Variants in WNK1 observed in about 807,000 individuals in gnomAD.
The protein encoded by WNK1 is serine/threonine-protein kinase WNK1.
Under a neutral mutation model 222.8 loss-of-function variants are expected in WNK1, and 38 were observed. The observed-to-expected ratio is 0.17, with a 90% confidence interval of 0.13 to 0.22. The LOEUF is 0.22. Among genes scored for constraint, WNK1 ranks in the 10% least tolerant of loss-of-function variants. The pLI is 1.00. For synonymous variants in WNK1, 1,090 were observed against 1,092.9 expected, an observed-to-expected ratio of 1.00 and a Z score of 0.05; for missense variants, 2,348 against 2,918.4, an observed-to-expected ratio of 0.80 and a Z score of 4.50.
intron 2 of WNK1, among the ~76,000 whole-genome samples, chr12:817,071 A>G (rs949375627): frequency 1.3e-5 from 2 of 152,238 alleles, no homozygotes; most frequent in African/African-American, 4.8e-5. Flanking sequence ...ACGGTTAAAC[A>G]GCAGACTGAA....
chr12:880,217 C>T (rs1029761970), intron 11 of WNK1, among the ~76,000 whole-genome samples, 186 bp downstream of exon 11: 2 of 152,162 alleles, frequency 1.3e-5, no homozygotes, highest in Non-Finnish European at 2.9e-5. Flanking sequence ...CCATTTTTCT[C>T]AAGACACTTC....
chr12:872,077 G>A (rs1952202549), intron 9 of WNK1, among the ~76,000 whole-genome samples: 1 of 152,078 alleles, frequency 6.6e-6, no homozygotes, highest in Non-Finnish European at 1.5e-5. Context: ...ACGCTAAGAA[G>A]CATCTAATGA....
At chr12:842,444 T>A (rs1949697419) in intron 4 of WNK1, among the ~76,000 whole-genome samples, 1 of 152,208 alleles carries the variant, frequency 6.6e-6, no homozygotes, top group Non-Finnish European at 1.5e-5. Flanking sequence ...TCTGAACAAC[T>A]AGTTTAACTC....
At chr12:844,009 T>C (rs1388422493) in intron 4 of WNK1, among the ~76,000 whole-genome samples, 2 of 152,202 alleles carry the variant, frequency 1.3e-5, no homozygotes, top group Non-Finnish European at 2.9e-5. Flanking sequence ...GTCATTCATG[T>C]AAACTTTTAA....
rs118149075 is a variant in WNK1, at chr12:796,537, A to G, written c.760-17105A>G. ...GTGATCCACCCACCTTGGCCTCCCA[A>G]AGTGCTGGGATTACAGGCATGAGCC... is the stretch of plus-strand genomic sequence containing the variant. On this transcript the variant is annotated intron_variant, in intron 1 of 27. Transcript: ENST00000315939. Among the ~76,000 whole-genome samples the G allele has an allele frequency of 5.6e-3, 857 of 152,348 alleles. 1 individual carries two copies. Among genetic ancestry groups the G allele is most frequent in the Non-Finnish European group, 8.7e-3 (591 of 68,022 alleles).
intron 24 of WNK1, among the ~76,000 whole-genome samples, 192 bp downstream of exon 24, chr12:896,924 ACACACACACACACAC>A (rs1379143346): frequency 1.3e-4 from 10 of 78,666 alleles, no homozygotes; most frequent in African/African-American, 3.9e-4. Context: ...ACACACACAC[ACACACACACACACAC>A]GATTCCCAAC....
intron 22 of WNK1, among the ~76,000 whole-genome samples, chr12:893,232 G>A (rs1025222607): frequency 2.0e-5 from 3 of 152,124 alleles, no homozygotes; most frequent in East Asian, 1.9e-4. Flanking sequence ...ACTCCAGCCT[G>A]GGTGACAGAG....
At position 908,861 on chromosome 12, in the gene WNK1, G is replaced by GGGGGGCCCCC; in HGVS notation, c.*69_*70insGGGGGCCCCC. On this transcript the variant is annotated 3_prime_UTR_variant, in exon 28 of 28. Coordinates refer to ENST00000315939, the MANE Select transcript of WNK1 (RefSeq NM_018979.4). ...ATGCTGAGGGGGTGGGTGGGGGTGGGAAGTAGCCTATATACTAACTACTAG... is the reference window on the plus strand; with the variant it reads ...ATGCTGAGGGGGTGGGTGGGGGTGGGGGGGGCCCCCAAGTAGCCTATATACTAACTACTAG... 2.0e-6 allele frequency: 1 copy of GGGGGGCCCCC among 491,846 alleles called. No individual in the cohort carries two copies. The highest frequency in any genetic ancestry group is 6.0e-5 in the East Asian group (1 of 16,748). 30.5% of individuals were successfully genotyped at this position (491,846 alleles called of 1,614,324 possible). A position where few individuals can be genotyped will look rare whatever the true frequency, so the allele number is the denominator to read the frequency against.
At chr12:823,114 T>G (rs1948040270) in intron 2 of WNK1, among the ~76,000 whole-genome samples, 1 of 152,218 alleles carries the variant, frequency 6.6e-6, no homozygotes, top group Non-Finnish European at 1.5e-5. Flanking sequence ...TCCCACTGCT[T>G]TCTGCCCTCT....
intron 24 of WNK1, among the ~76,000 whole-genome samples, 181 bp from the exon 25 acceptor site, chr12:897,298 C>T (rs1442356771): frequency 2.0e-5 from 3 of 152,078 alleles, no homozygotes; most frequent in Non-Finnish European, 4.4e-5. Context: ...TGGAACATGG[C>T]TTGGGTAATG....
rs573177685 is a variant in WNK1 at position 772,926 on chromosome 12, A to G, written c.759+18602A>G. 3.3e-5 allele frequency among the ~76,000 whole-genome samples: 5 copies of G among 152,340 alleles called. 1 individual carries two copies. In the South Asian group the frequency reaches 1.0e-3, roughly 32 times the overall value. On this transcript the variant is annotated intron_variant, in intron 1 of 27. Coordinates refer to ENST00000315939, the MANE Select transcript of WNK1 (RefSeq NM_018979.4). ...GGTACTGTGTGGTTCAGAAATTTGT[A>G]AAAGCCAAGTGTTAGGGTGTTTAAT...
chr12:771,104 T>C (rs1942425383), intron 1 of WNK1, among the ~76,000 whole-genome samples: 2 of 152,102 alleles, frequency 1.3e-5, no homozygotes, highest in Admixed American at 1.3e-4. Context: ...TTCAAGCGAC[T>C]CTCCTGCCTC....
Position 827,385 on chromosome 12 carries a change from G to C in WNK1, c.1153+123G>C. 1.2e-6 allele frequency: 1 copy of C among 836,946 alleles called. No individual in the cohort carries two copies. Among genetic ancestry groups the C allele is most frequent in the Non-Finnish European group, 2.0e-6 (1 of 494,520 alleles). The allele number at this position is 836,946 out of a possible 1,614,324, so 51.8% of individuals were successfully genotyped here. A position where few individuals can be genotyped will look rare whatever the true frequency, so the allele number is the denominator to read the frequency against. ...AGAAATTCATAGCTTGAACTCAGGA[G>C]GTGATCCATTGTACTTATGAGATAT... On this transcript the variant is annotated intron_variant, in intron 3 of 27. Transcript: ENST00000315939. This position sits in a 1 kb window ranked among gnomAD's most constrained non-coding sequence, Gnocchi z 4.6.
At position 896,535 on chromosome 12, in the gene WNK1, C is replaced by T. The variant is rs148405127; in HGVS notation, c.6048C>T (p.Ala2016=). The T allele has an allele frequency of 2.7e-5, 44 of 1,613,160 alleles. No individual in the cohort carries two copies. The highest frequency in any genetic ancestry group is 3.3e-4 in the Middle Eastern group (2 of 6,082). Residue 2016 remains alanine (A), a synonymous_variant, in exon 24 of 28, where the codon GCC becomes GCT. Coordinates refer to ENST00000315939, the MANE Select transcript of WNK1 (RefSeq NM_018979.4). ...ATGGGCCGTCTTCTGACCCGGAGGCCGCTTTTTTAAGTAGGGATGTGGATG... is the reference window on the plus strand; with the variant it reads ...ATGGGCCGTCTTCTGACCCGGAGGCTGCTTTTTTAAGTAGGGATGTGGATG... ...HLNGPSSDPE[A]AFLSRDVDDG...
In WNK1 at chr12:876,185, G is replaced by A. The variant is rs1260249364; in HGVS notation, c.2224-2027G>A. 3.9e-5 allele frequency among the ~76,000 whole-genome samples: 6 copies of A among 152,072 alleles called. No homozygotes were observed. The South Asian group carries it at 6.2e-4, about 16-fold the overall frequency. On this transcript the variant is annotated intron_variant, in intron 9 of 27. Transcript: ENST00000315939. ...AGCACTTTGGGAGGCCGAGGTGCACGGATCACAAGGTCAGGAGATCAAGAC... is the reference window on the plus strand; with the variant it reads ...AGCACTTTGGGAGGCCGAGGTGCACAGATCACAAGGTCAGGAGATCAAGAC...
chr12:849,367 A>G (rs940252800), intron 4 of WNK1, among the ~76,000 whole-genome samples: 2 of 152,196 alleles, frequency 1.3e-5, no homozygotes, highest in African/African-American at 4.8e-5. Context: ...TACCCATTAC[A>G]ACAAAGCAAT....
chr12:788,234 T>C (rs1944499715), intron 1 of WNK1, among the ~76,000 whole-genome samples: 3 of 152,158 alleles, frequency 2.0e-5, no homozygotes, highest in Admixed American at 1.3e-4. Flanking sequence ...AATTGAATAC[T>C]GTGGCAAAAT....
intron 1 of WNK1, among the ~76,000 whole-genome samples, chr12:774,868 C>T (rs554252374): frequency 1.3e-5 from 2 of 152,128 alleles, no homozygotes; most frequent in Non-Finnish European, 2.9e-5. Context: ...GTGCTTTTCT[C>T]CCCTAACCAG....
At chr12:830,586 T>C (rs1161489843) in intron 4 of WNK1, among the ~76,000 whole-genome samples, 1 of 152,238 alleles carries the variant, frequency 6.6e-6, no homozygotes, top group Non-Finnish European at 1.5e-5. Flanking sequence ...ATCTTATATA[T>C]TAGTACCTAC....
Sources: gnomAD v4.1 joint callset for allele counts (sites outside exome capture counted in the v4.1 genomes callset) on GRCh38, gnomAD v4.1.1 for gene constraint, Gnocchi (gnomAD v3.1) non-coding constraint, MANE v1.5 for transcripts, NCBI Gene and HGNC (gene_info 2026-07-23, HGNC 2026-07-21) for gene names.